SUCO: variants seen among roughly 807,000 people sequenced by gnomAD.
The protein encoded by SUCO is SUN domain-containing ossification factor.
Under a neutral mutation model 148.1 loss-of-function variants are expected in SUCO, and 57 were observed. The observed-to-expected ratio is 0.38, with a 90% CI of 0.31 to 0.48. The LOEUF is 0.48. Among genes scored for constraint, SUCO ranks in the 20% least tolerant of loss-of-function variants. The probability of loss-of-function intolerance (pLI) is 0.96; values close to 1 mark genes in which losing one functional copy is unlikely to be tolerated. For missense variants in SUCO, 1,331 were observed against 1,468.2 expected, an observed-to-expected ratio of 0.91 and a Z score of 1.53; for synonymous variants, 470 against 502.7, an observed-to-expected ratio of 0.93 and a Z score of 0.87.
intron 9 of SUCO, among the ~76,000 whole-genome samples, chr1:172,572,258 G>GC (rs1655075992): frequency 6.6e-6 from 1 of 151,368 alleles, no homozygotes; most frequent in Non-Finnish European, 1.5e-5. Flanking sequence ...GGAATAGAAA[G>GC]GGGGGAAGGG....
At chr1:172,577,853 T>A (rs1558195472) in intron 13 of SUCO, 34 bp downstream of exon 13, 1 of 1,538,432 alleles carries the variant, frequency 6.5e-7, no homozygotes, top group East Asian at 2.3e-5. Flanking sequence ...ATTGAGTTTT[T>A]AAAAAAATTG....
chr1:172,554,492 G>A (rs1042841260), intron 3 of SUCO, among the ~76,000 whole-genome samples: 12 of 152,194 alleles, frequency 7.9e-5, no homozygotes, highest in African/African-American at 2.9e-4. Context: ...TTAAAAAATA[G>A]CATGTAGGCC....
chr1:172,601,400 A>G (rs1657514784), intron 20 of SUCO, among the ~76,000 whole-genome samples: 1 of 151,926 alleles, frequency 6.6e-6, no homozygotes, highest in African/African-American at 2.4e-5. Context: ...TTGGGAGGCC[A>G]AGGCAGGAGA....
At chr1:172,609,280 C>G (rs1286857874) in intron 23 of SUCO, 1 of 984,708 alleles carries the variant, frequency 1.0e-6, no homozygotes, top group African/African-American at 1.8e-5. Flanking sequence ...GCTTCAAAGT[C>G]TTTGCTTTTT....
chr1:172,553,451 G>C (rs1028893166), intron 3 of SUCO, 81 bp downstream of exon 3: 2 of 1,007,992 alleles, frequency 2.0e-6, no homozygotes, highest in Non-Finnish European at 1.4e-6. Flanking sequence ...TCACCATATT[G>C]TGTGTGTATT....
intron 1 of SUCO, among the ~76,000 whole-genome samples, chr1:172,540,456 C>G (rs2149217919): frequency 6.6e-6 from 1 of 152,292 alleles, no homozygotes; most frequent in South Asian, 2.1e-4. Context: ...GTTTGTGATA[C>G]TCTTTTATGC....
rs759077924 is a variant in SUCO at position 172,556,014 on chromosome 1, CAA to C, written c.436_437del (p.Lys146AlafsTer2). 1.2e-6 allele frequency: 2 copies of C among 1,609,906 alleles called. No homozygotes were observed. Among genetic ancestry groups the C allele is most frequent in the Non-Finnish European group, 1.7e-6 (2 of 1,177,708 alleles). ...TCTACCTCAGAAATCACTCCAATCT[CAA>C]AGCTTGAGTAAGTTGTTACAAAAAA... On this transcript the variant is annotated frameshift_variant, in exon 4 of 24. Transcript: ENST00000263688. LOFTEE classifies it high-confidence loss of function.
At chr1:172,595,060 TC>T (rs1194118059) in intron 19 of SUCO, among the ~76,000 whole-genome samples, 14 of 152,250 alleles carry the variant, frequency 9.2e-5, no homozygotes, top group African/African-American at 3.4e-4. Flanking sequence ...TCTCTTTTGA[TC>T]TTTGTTGGTT....
chr1:172,601,059 T>C (rs1571291448), intron 20 of SUCO, among the ~76,000 whole-genome samples: 1 of 152,322 alleles, frequency 6.6e-6, no homozygotes, highest in South Asian at 2.1e-4. Flanking sequence ...TGAATCTTTG[T>C]ATCATTAGAA....
intron 1 of SUCO, among the ~76,000 whole-genome samples, chr1:172,543,914 G>A (rs1275016198): frequency 6.6e-6 from 1 of 152,094 alleles, no homozygotes; most frequent in African/African-American, 2.4e-5. Context: ...AAGAATATCT[G>A]TCTTTTAATA....
intron 15 of SUCO, among the ~76,000 whole-genome samples, chr1:172,582,319 CT>C (rs1445290678): frequency 6.6e-6 from 1 of 152,020 alleles, no homozygotes; most frequent in African/African-American, 2.4e-5. Flanking sequence ...AGGAGGAAGT[CT>C]TTTTTTGTTG....
chr1:172,536,793 A>G (rs1652054567), intron 1 of SUCO, among the ~76,000 whole-genome samples: 1 of 152,256 alleles, frequency 6.6e-6, no homozygotes, highest in African/African-American at 2.4e-5. Context: ...ATCTTTTTCT[A>G]GAGGCCACCT....
rs548287347 is a variant in SUCO at position 172,604,426 on chromosome 1, T to G, written c.3265+1639T>G. Among the ~76,000 whole-genome samples the G allele has an allele frequency of 5.9e-5, 9 of 152,096 alleles. No homozygotes were observed. In the East Asian group the frequency reaches 1.7e-3, roughly 29 times the overall value. On this transcript the variant is annotated intron_variant, in intron 22 of 23. Transcript: ENST00000263688. ...TCTGTTGTTTGATAAGTTCTTGTTGTTATGGCATTTATCATAGTATGCTTT... is the reference window on the plus strand; with the variant it reads ...TCTGTTGTTTGATAAGTTCTTGTTGGTATGGCATTTATCATAGTATGCTTT...
intron 1 of SUCO, among the ~76,000 whole-genome samples, chr1:172,544,468 T>C (rs956473853): frequency 6.6e-6 from 1 of 152,194 alleles, no homozygotes; most frequent in African/African-American, 2.4e-5. Flanking sequence ...CTGTGGGAAT[T>C]TAGAGCGGGC....
At chr1:172,545,976 G>A (rs1652830287) in intron 1 of SUCO, among the ~76,000 whole-genome samples, 1 of 151,556 alleles carries the variant, frequency 6.6e-6, no homozygotes, top group South Asian at 2.1e-4. Context: ...CTGTCCCCCA[G>A]TCTGGAGTAC....
In SUCO at chr1:172,589,948, C is replaced by T. The variant is rs780714092; in HGVS notation, c.2825+22C>T. 28 of 1,501,812 alleles carry T rather than the reference C, an allele frequency of 1.9e-5. 1 individual carries two copies. Among genetic ancestry groups the T allele is most frequent in the South Asian group, 1.4e-4 (10 of 73,200 alleles). The allele number at this position is 1,501,812 out of a possible 1,614,324, so 93.0% of individuals were successfully genotyped here. On this transcript the variant is annotated intron_variant, in intron 18 of 23. Transcript: ENST00000263688. The stretch of plus-strand genomic sequence containing the variant: ...AAAGGTAAGCTTTATTATGAATTAG[C>T]ACAGTCAGCTTCACACAGTGAGTTA...
rs577034967 is a variant in SUCO at position 172,560,599 on chromosome 1, G to A, written c.732+2805G>A. Among the ~76,000 whole-genome samples the A allele has an allele frequency of 3.9e-5, 6 of 152,286 alleles. No homozygotes were observed. In the East Asian group the frequency reaches 1.2e-3, roughly 29 times the overall value. ...TCACTTTAAGCAAAGCCACCCAAGG[G>A]TACTGCTGCCCTGATTCCTGCCAGA... On this transcript the variant is annotated intron_variant, in intron 6 of 23. Coordinates refer to ENST00000263688, the MANE Select transcript of SUCO (RefSeq NM_014283.5).
At position 172,602,200 on chromosome 1, in the gene SUCO, A is replaced by G; in HGVS notation, c.3155A>G (p.Gln1052Arg). 4 of 1,611,598 alleles carry G rather than the reference A, an allele frequency of 2.5e-6. No individual in the cohort carries two copies. Among genetic ancestry groups the G allele is most frequent in the Non-Finnish European group, 3.4e-6 (4 of 1,178,678 alleles). ...ATTTCAAAACTTCCTAAAAGTAATC[A>G]GTATCCAAGCCCTAAAAGGTAATAT... ...DYISKLPKSNQYPSPKRCFSS... is the reference protein window; with the variant it reads ...DYISKLPKSNRYPSPKRCFSS... The change falls in exon 21 of 24, where the codon CAG (glutamine) becomes CGG (arginine). Residue 1052 changes from glutamine (Q) to arginine (R), a missense_variant. By Grantham distance (43) the Gln-to-Arg change is conservative (BLOSUM62 1). Around this residue, in one of 3 missense-constraint regions of SUCO, gnomAD observed 334 missense variants for 352.3 expected, o/e 0.95. Coordinates refer to ENST00000263688, the MANE Select transcript of SUCO (RefSeq NM_014283.5).
chr1:172,577,685 A>G (rs1655551730), intron 12 of SUCO, 79 bp from the exon 13 acceptor site: 1 of 1,573,508 alleles, frequency 6.4e-7, no homozygotes, highest in Non-Finnish European at 8.7e-7. Flanking sequence ...AAATGTTATA[A>G]TGAAAAAACT....
Sources: gnomAD v4.1 joint callset for allele counts (sites outside exome capture counted in the v4.1 genomes callset) on GRCh38, gnomAD v4.1.1 for gene constraint, gnomAD v4.1.1 regional missense constraint, MANE v1.5 for transcripts, NCBI Gene and HGNC (gene_info 2026-07-23, HGNC 2026-07-21) for gene names.